Variants in CSMD1 observed in about 807,000 individuals in gnomAD.
CSMD1 encodes CUB and Sushi multiple domains 1, also known as CUB and sushi domain-containing protein 1.
In CSMD1, 213 loss-of-function variants were observed where a neutral mutation model predicts 417.5. That is an observed-to-expected ratio of 0.51 (90% CI 0.46 to 0.57). The LOEUF is 0.57. Ranked by LOEUF, CSMD1 falls within the 20% of genes least tolerant of loss-of-function variation. The pLI, the probability that CSMD1 is intolerant of heterozygous loss-of-function variation, is 0.00. For missense variants in CSMD1, 6,923 were observed against 4,529.7 expected, an observed-to-expected ratio of 1.53 and a Z score of -15.17; for synonymous variants, 2,862 against 1,736.8, an observed-to-expected ratio of 1.65 and a Z score of -16.11.
At chr8:3,555,436 G>A (rs922188440) in intron 10 of CSMD1, among the ~76,000 whole-genome samples, 9 of 152,240 alleles carry the variant, frequency 5.9e-5, no homozygotes, top group Non-Finnish European at 1.2e-4. Context: ...GAGGGCTGGT[G>A]GGGTCAGGTG....
At chr8:2,945,325 T>C (rs972924899) in intron 68 of CSMD1, among the ~76,000 whole-genome samples, 2 of 152,210 alleles carry the variant, frequency 1.3e-5, no homozygotes, top group African/African-American at 4.8e-5. Flanking sequence ...AGTCTATTTA[T>C]GAGGCTCTTC....
At chr8:4,762,598 C>A (rs984139295) in intron 1 of CSMD1, among the ~76,000 whole-genome samples, 2 of 152,246 alleles carry the variant, frequency 1.3e-5, no homozygotes, top group South Asian at 2.1e-4. Context: ...GTGCATCCCT[C>A]TGAGCCTGAG....
chr8:2,946,182 G>A (rs1802220120), intron 68 of CSMD1, among the ~76,000 whole-genome samples: 1 of 152,098 alleles, frequency 6.6e-6, no homozygotes, highest in African/African-American at 2.4e-5. Flanking sequence ...AATCTTATGG[G>A]GTCACTGGTG....
chr8:4,506,805 A>C (rs899689042), intron 2 of CSMD1, among the ~76,000 whole-genome samples: 2 of 152,210 alleles, frequency 1.3e-5, no homozygotes, highest in Non-Finnish European at 1.5e-5. Context: ...TAATTTACAG[A>C]ATAACTACAC....
At chr8:3,128,982 T>G (rs17318823) in intron 41 of CSMD1, 3 of 398,990 alleles carry the variant, frequency 7.5e-6, no homozygotes, top group Non-Finnish European at 1.5e-5. Context: ...AATACTAGCA[T>G]GGAGTTAAGT....
chr8:4,352,610 C>G (rs1224670915), intron 3 of CSMD1, among the ~76,000 whole-genome samples: 1 of 152,212 alleles, frequency 6.6e-6, no homozygotes, highest in Admixed American at 6.5e-5. Context: ...TGAGAAAAGT[C>G]ATTTGCCCCG....
At chr8:4,447,055 G>C (rs905014328) in intron 2 of CSMD1, among the ~76,000 whole-genome samples, 21 of 152,118 alleles carry the variant, frequency 1.4e-4, no homozygotes, top group Non-Finnish European at 2.1e-4. Context: ...GCCTGTGTCA[G>C]GTCTGCGAGC....
In CSMD1 at chr8:3,995,047, G is replaced by A. The variant is rs896335688; in HGVS notation, c.818+2856C>T. On this transcript the variant is annotated intron_variant, in intron 5 of 69. Transcript: ENST00000635120. Reference sequence around the variant, plus strand: ...CTCCCCGTCCCTGTCTATGCAATTCGGGAATGGGGAAACCTTTTAAATACA... The same window carrying A: ...CTCCCCGTCCCTGTCTATGCAATTCAGGAATGGGGAAACCTTTTAAATACA... Among the ~76,000 whole-genome samples the A allele has an allele frequency of 3.3e-5, 5 of 152,060 alleles. No homozygotes were observed. The East Asian group carries it at 9.7e-4, about 29-fold the overall frequency.
chr8:3,734,389 A>T (rs1796420327), intron 6 of CSMD1, among the ~76,000 whole-genome samples: 2 of 152,154 alleles, frequency 1.3e-5, no homozygotes, highest in South Asian at 4.1e-4. Context: ...TTCTGCCTGG[A>T]AGCATTGGGA....
At chr8:3,311,864 T>A (rs752234415) in intron 23 of CSMD1, among the ~76,000 whole-genome samples, 1 of 152,202 alleles carries the variant, frequency 6.6e-6, no homozygotes, top group East Asian at 1.9e-4. Flanking sequence ...GTTTCAGTAG[T>A]TTATAGCCAT....
At chr8:3,806,153 C>G (rs1458397310) in intron 5 of CSMD1, among the ~76,000 whole-genome samples, 1 of 152,152 alleles carries the variant, frequency 6.6e-6, no homozygotes, top group African/African-American at 2.4e-5. Flanking sequence ...TTCTGCCTGA[C>G]ACAACCCATC....
rs1158415576 is a variant in CSMD1 at position 3,348,253 on chromosome 8, C to G, written c.3305-92G>C. 8 of 868,320 alleles carry G rather than the reference C, an allele frequency of 9.2e-6. No individual in the cohort carries two copies. The Admixed American group carries it at 2.0e-4, about 21-fold the overall frequency. 53.8% of individuals were successfully genotyped at this position (868,320 alleles called of 1,614,324 possible). On this transcript the variant is annotated intron_variant, in intron 21 of 69. Coordinates refer to ENST00000635120, the MANE Select transcript of CSMD1 (RefSeq NM_033225.6). ...AACTTTAAAATCATGATAGCCTCCT[C>G]TTCTATCAACGTATGTGTGTTAGTA...
intron 1 of CSMD1, among the ~76,000 whole-genome samples, chr8:4,833,042 A>C (rs1800244977): frequency 6.6e-6 from 1 of 152,194 alleles, no homozygotes; most frequent in African/African-American, 2.4e-5. Context: ...TTACATTAGA[A>C]CATCTTATGC....
At chr8:4,765,775 TAG>T (rs1427554649) in intron 1 of CSMD1, among the ~76,000 whole-genome samples, 1 of 152,138 alleles carries the variant, frequency 6.6e-6, no homozygotes, top group Non-Finnish European at 1.5e-5. Flanking sequence ...ATTTCCATAA[TAG>T]AGAGAGCCTG....
At chr8:4,529,561 T>C (rs1009243972) in intron 2 of CSMD1, among the ~76,000 whole-genome samples, 1 of 152,162 alleles carries the variant, frequency 6.6e-6, no homozygotes, top group African/African-American at 2.4e-5. Context: ...TATAAGTAGA[T>C]AAAACTTACA....
intron 3 of CSMD1, among the ~76,000 whole-genome samples, chr8:4,082,227 T>C (rs368529727): frequency 1.3e-5 from 2 of 152,140 alleles, no homozygotes; most frequent in African/African-American, 4.8e-5. Flanking sequence ...ACCACACAGG[T>C]AAAATGGACA....
chr8:3,899,590 G>A (rs1807593146), intron 5 of CSMD1, among the ~76,000 whole-genome samples: 2 of 152,288 alleles, frequency 1.3e-5, no homozygotes, highest in East Asian at 3.9e-4. Flanking sequence ...TGTTTCTCAA[G>A]GATCAATATA....
chr8:3,987,427 C>T lies in CSMD1; in HGVS notation c.818+10476G>A, dbSNP rs747710547. Among the ~76,000 whole-genome samples the T allele has an allele frequency of 2.0e-5, 3 of 152,156 alleles. No homozygotes were observed. The East Asian group carries it at 5.8e-4, about 29-fold the overall frequency. ...ATACAGGGGTTGTCTGTCTCCGTTC[C>T]TGGTACAGTGGTAGGTTTCTGACTT... On this transcript the variant is annotated intron_variant, in intron 5 of 69. Coordinates refer to ENST00000635120, the MANE Select transcript of CSMD1 (RefSeq NM_033225.6).
intron 3 of CSMD1, among the ~76,000 whole-genome samples, chr8:4,034,979 T>C (rs916674767): frequency 2.6e-5 from 4 of 152,212 alleles, no homozygotes; most frequent in Admixed American, 1.3e-4. Context: ...TGCGCGACTC[T>C]TCTATACGTT....
Sources: gnomAD v4.1 joint callset for allele counts (sites outside exome capture counted in the v4.1 genomes callset) on GRCh38, gnomAD v4.1.1 for gene constraint, MANE v1.5 for transcripts, NCBI Gene and HGNC (gene_info 2026-07-23, HGNC 2026-07-21) for gene names.